Variants in TRIQK observed in about 807,000 individuals in gnomAD.
TRIQK encodes the protein triple QxxK/R motif containing, also known as triple QxxK/R motif-containing protein.
TRIQK carries 10 observed loss-of-function variants against 10.8 expected under a neutral mutation model. That is an observed-to-expected ratio of 0.92 (90% CI 0.57 to 1.57). The LOEUF is 1.57. Ranked by LOEUF, TRIQK falls within the 40% of genes most tolerant of loss-of-function variation. The pLI is 0.00. For missense variants in TRIQK, 107 were observed against 97.7 expected (o/e 1.09, Z -0.40); for synonymous variants, 33 against 33.7 (o/e 0.98, Z 0.07).
chr8:92,936,890 C>A (rs1586457490), intron 2 of TRIQK, among the ~76,000 whole-genome samples: 1 of 151,624 alleles, frequency 6.6e-6, no homozygotes, highest in Non-Finnish European at 1.5e-5. Flanking sequence ...TATGGAATAC[C>A]TCTAAAAGTA....
At chr8:92,948,775 G>A (rs997737369) in intron 2 of TRIQK, among the ~76,000 whole-genome samples, 6 of 152,108 alleles carry the variant, frequency 3.9e-5, no homozygotes, top group South Asian at 2.1e-4. Context: ...TGAAACTTAC[G>A]TATTTGATGT....
chr8:92,956,611 T>G (rs1420792365), intron 1 of TRIQK, among the ~76,000 whole-genome samples: 1 of 151,982 alleles, frequency 6.6e-6, no homozygotes, highest in East Asian at 1.9e-4. Context: ...ATCTAAAATG[T>G]TTGGGCCAGA....
intron 1 of TRIQK, among the ~76,000 whole-genome samples, chr8:92,971,275 G>A (rs561354249): frequency 6.6e-6 from 1 of 152,032 alleles, no homozygotes; most frequent in South Asian, 2.1e-4. Flanking sequence ...TGTTCAGCAT[G>A]GTATTGGAAG....
chr8:92,969,502 T>C (rs1262660883), upstream of TRIQK, among the ~76,000 whole-genome samples: 1 of 151,898 alleles, frequency 6.6e-6, no homozygotes, highest in Non-Finnish European at 1.5e-5. Flanking sequence ...TATTCTGAAA[T>C]TATGGAATGC....
At chr8:92,938,945 C>T (rs1380431593) in intron 2 of TRIQK, among the ~76,000 whole-genome samples, 1 of 151,888 alleles carries the variant, frequency 6.6e-6, no homozygotes, top group Non-Finnish European at 1.5e-5. Flanking sequence ...CTGGTAGTTC[C>T]ACCAAATCTA....
chr8:92,958,846 T>G (rs1812304209), intron 1 of TRIQK, among the ~76,000 whole-genome samples: 3 of 152,020 alleles, frequency 2.0e-5, no homozygotes, highest in African/African-American at 7.2e-5. Context: ...GACTATGATT[T>G]TAGTGTGCTG....
intron 1 of TRIQK, among the ~76,000 whole-genome samples, chr8:92,990,890 A>T (rs1813088919): frequency 1.3e-5 from 2 of 152,170 alleles, no homozygotes; most frequent in South Asian, 4.1e-4. Context: ...ACCTGGAATG[A>T]CAGCGAGACA....
intron 1 of TRIQK, among the ~76,000 whole-genome samples, chr8:93,008,371 G>A (rs1011980476): frequency 2.6e-5 from 4 of 152,078 alleles, no homozygotes; most frequent in African/African-American, 9.7e-5. Flanking sequence ...TCTTCGATGG[G>A]AAGAATTAAT....
intron 4 of TRIQK, among the ~76,000 whole-genome samples, chr8:92,888,516 A>AT (rs1816598984): frequency 6.6e-6 from 1 of 151,610 alleles, no homozygotes; most frequent in Non-Finnish European, 1.5e-5. Context: ...TTCTCCAAAA[A>AT]TTATCTCTTC....
intron 1 of TRIQK, among the ~76,000 whole-genome samples, chr8:92,957,568 AGT>A (rs1042202884): frequency 6.6e-6 from 1 of 151,958 alleles, no homozygotes; most frequent in African/African-American, 2.4e-5. Context: ...AGAAATGCAA[AGT>A]GTTAATTTAA....
chr8:92,959,472 T>A lies in TRIQK; in HGVS notation c.-180-4908A>T, dbSNP rs1282629957. ...AGTCTGGGGTATACCATCAGTTATA[T>A]ATATGCATACACACACACACACACA... On this transcript the variant is annotated intron_variant, in intron 1 of 4. Transcript: ENST00000521988. Among the ~76,000 whole-genome samples, 4 of 132,352 alleles carry A rather than the reference T, an allele frequency of 3.0e-5. 1 individual carries two copies. Among genetic ancestry groups the A allele is most frequent in the Middle Eastern group, 7.5e-3 (2 of 268 alleles). The allele number at this position is 132,352 out of a possible 152,430, so 86.8% of individuals were successfully genotyped here. A position where few individuals can be genotyped will look rare whatever the true frequency, so the allele number is the denominator to read the frequency against.
At position 92,892,060 on chromosome 8, in the gene TRIQK, T is replaced by C. The variant is rs1563610783; in HGVS notation, c.76A>G (p.Lys26Glu). 6.5e-7 allele frequency: 1 copy of C among 1,528,722 alleles called. No homozygotes were observed. The highest frequency in any genetic ancestry group is 8.8e-7 in the Non-Finnish European group (1 of 1,140,342). The allele number at this position is 1,528,722 out of a possible 1,614,324, so 94.7% of individuals were successfully genotyped here. A position where few individuals can be genotyped will look rare whatever the true frequency, so the allele number is the denominator to read the frequency against. Residue 26 changes from lysine (K) to glutamate (E), a missense_variant, in exon 4 of 5, where the codon AAA becomes GAA. Lys to Glu is a moderately conservative substitution (Grantham distance 56). Coordinates refer to ENST00000521988, the MANE Select transcript of TRIQK (RefSeq NM_001171797.2). ...GCTCGTAAAATAGGTTTAGTTTTTT[T>C]ATAATCCTGTTTACCTAGAAAGAAA... Reference protein sequence around the residue: ...YRKQIGKQDYKKTKPILRATK... With the variant: ...YRKQIGKQDYEKTKPILRATK...
intron 2 of TRIQK, among the ~76,000 whole-genome samples, chr8:92,929,926 T>C (rs549217027): frequency 7.1e-4 from 108 of 152,280 alleles, no homozygotes; most frequent in African/African-American, 2.5e-3. Flanking sequence ...AACTAAAAAG[T>C]AATTAATCGC....
intron 1 of TRIQK, among the ~76,000 whole-genome samples, chr8:92,982,313 A>C (rs981371297): frequency 2.6e-5 from 4 of 152,004 alleles, no homozygotes; most frequent in Non-Finnish European, 5.9e-5. Context: ...TAGCTGGCCT[A>C]TCATTAATTT....
At chr8:92,949,720 G>A (rs1811751826) in intron 2 of TRIQK, among the ~76,000 whole-genome samples, 1 of 103,362 alleles carries the variant, frequency 9.7e-6, no homozygotes, top group African/African-American at 5.0e-5. Context: ...AGGGAGGGAG[G>A]GAGGGAGGAA....
At chr8:92,952,820 C>T (rs1411494859) in intron 2 of TRIQK, among the ~76,000 whole-genome samples, 2 of 152,004 alleles carry the variant, frequency 1.3e-5, no homozygotes, top group Admixed American at 1.3e-4. Flanking sequence ...CAAAATTTAG[C>T]AATTTGCTTT....
intron 1 of TRIQK, among the ~76,000 whole-genome samples, chr8:92,993,093 T>C (rs61610000): frequency 0.13 from 20,346 of 152,192 alleles, 2,303 homozygotes; most frequent in African/African-American, 0.3. Flanking sequence ...GATTTTCTAC[T>C]GGTCTTTTCA....
chr8:92,996,298 T>C (rs1316619484), intron 1 of TRIQK, among the ~76,000 whole-genome samples: 1 of 152,092 alleles, frequency 6.6e-6, no homozygotes, highest in Non-Finnish European at 1.5e-5. Flanking sequence ...GGTCTCTCAA[T>C]TGTACTTTTA....
intron 1 of TRIQK, among the ~76,000 whole-genome samples, chr8:92,976,067 A>G (rs1230878103): frequency 6.6e-6 from 1 of 151,994 alleles, no homozygotes; most frequent in Admixed American, 6.6e-5. Context: ...ATAGAAACTT[A>G]TTTTATTATA....
Sources: allele counts gnomAD v4.1 joint callset (sites outside exome capture counted in the v4.1 genomes callset), GRCh38; gene constraint gnomAD v4.1.1; transcripts MANE v1.5; gene names NCBI Gene and HGNC (gene_info 2026-07-23, HGNC 2026-07-21).